The following SDK1 variants were observed in gnomAD, a reference collection of about 807,000 sequenced individuals.
SDK1 encodes sidekick cell adhesion molecule 1, also known as protein sidekick-1.
Under a neutral mutation model 245.5 loss-of-function variants are expected in SDK1, and 157 were observed. The ratio of observed to expected loss-of-function variants is 0.64; its 90% CI spans 0.56 to 0.73. SDK1 has a LOEUF of 0.73. Ranked by LOEUF, SDK1 falls within the 30% of genes least tolerant of loss-of-function variation. The pLI is 0.00. For synonymous variants in SDK1, 1,647 were observed against 1,278.5 expected (o/e 1.29, Z -6.15); for missense variants, 3,583 against 3,002.3 (o/e 1.19, Z -4.52).
intron 1 of SDK1, among the ~76,000 whole-genome samples, chr7:3,418,345 C>T (rs1221999125): frequency 6.6e-6 from 1 of 151,992 alleles, no homozygotes; most frequent in African/African-American, 2.4e-5. Context: ...AGGCATTATA[C>T]TATGACTCTT....
chr7:4,040,436 G>A (rs1243173972), intron 17 of SDK1, among the ~76,000 whole-genome samples: 1 of 152,056 alleles, frequency 6.6e-6, no homozygotes, highest in Non-Finnish European at 1.5e-5. Flanking sequence ...TTTTTGTCTA[G>A]GGTAATACCC....
chr7:3,660,241 G>A (rs142772270), intron 4 of SDK1, among the ~76,000 whole-genome samples: 1 of 152,120 alleles, frequency 6.6e-6, no homozygotes, highest in Non-Finnish European at 1.5e-5. Flanking sequence ...AGACACCCAT[G>A]AAAATATGGA....
At chr7:3,451,920 A>G (rs896885246) in intron 1 of SDK1, among the ~76,000 whole-genome samples, 4 of 152,218 alleles carry the variant, frequency 2.6e-5, no homozygotes, top group African/African-American at 9.6e-5. Flanking sequence ...TGGGAGTGTT[A>G]GCATAGCACG....
At chr7:3,572,326 A>C (rs907942169) in intron 1 of SDK1, among the ~76,000 whole-genome samples, 4 of 152,026 alleles carry the variant, frequency 2.6e-5, no homozygotes, top group Non-Finnish European at 4.4e-5. Flanking sequence ...TTCTAGGCAA[A>C]AACGCCTCAG....
chr7:3,927,645 C>T (rs545716723), intron 5 of SDK1, among the ~76,000 whole-genome samples: 2 of 152,350 alleles, frequency 1.3e-5, no homozygotes, highest in East Asian at 1.9e-4. Flanking sequence ...ACAGCTGCTG[C>T]AGCCAAGAGT....
rs113317033 is a variant in SDK1 at position 4,208,173 on chromosome 7, G to A, written c.5289G>A (p.Val1763=). 182 of 1,613,964 alleles carry A rather than the reference G, an allele frequency of 1.1e-4. 5 individuals carry two copies. The African/African-American group carries it at 1.7e-3, about 15-fold the overall frequency. ...TCCTCTTCCTCCCCGAGCCCGTGGT[G>A]AGGCTGAAGAACCTGACCAGCCATA... The part of the protein sequence containing the change: ...MKVLFLPEPV[V]RLKNLTSHTK... Residue 1763 remains valine (V), a synonymous_variant, in exon 37 of 45, where the codon GTG becomes GTA. Coordinates refer to ENST00000404826, the MANE Select transcript of SDK1 (RefSeq NM_152744.4).
At chr7:4,165,029 C>T (rs1241114824) in intron 32 of SDK1, among the ~76,000 whole-genome samples, 1 of 152,144 alleles carries the variant, frequency 6.6e-6, no homozygotes, top group Non-Finnish European at 1.5e-5. Context: ...TAAAATGTTT[C>T]ACCTGTAAAC....
intron 4 of SDK1, among the ~76,000 whole-genome samples, chr7:3,755,868 G>A (rs537581970): frequency 9.2e-5 from 14 of 151,728 alleles, no homozygotes; most frequent in Admixed American, 7.2e-4. Context: ...GGCATAGTGC[G>A]TGTGACACAT....
chr7:3,950,380 C>T (rs1780755302), intron 5 of SDK1, among the ~76,000 whole-genome samples: 1 of 152,220 alleles, frequency 6.6e-6, no homozygotes, highest in Non-Finnish European at 1.5e-5. Context: ...TCTATCTGCC[C>T]TTTCACTTTC....
At chr7:3,563,306 C>T (rs990298861) in intron 1 of SDK1, among the ~76,000 whole-genome samples, 6 of 151,976 alleles carry the variant, frequency 3.9e-5, no homozygotes, top group African/African-American at 1.2e-4. Context: ...CCTGGATTAT[C>T]CATCGTAAAG....
At chr7:4,106,708 C>T (rs941710242) in intron 22 of SDK1, among the ~76,000 whole-genome samples, 2 of 152,168 alleles carry the variant, frequency 1.3e-5, no homozygotes, top group African/African-American at 4.8e-5. Context: ...TGTGCTTTCC[C>T]CCACTCTCCT....
chr7:4,107,783 C>T (rs1472867906), intron 22 of SDK1, among the ~76,000 whole-genome samples: 6 of 152,216 alleles, frequency 3.9e-5, no homozygotes, highest in Admixed American at 6.5e-5. Flanking sequence ...GGGCCTCCCA[C>T]GGAAGCCTGA....
At chr7:3,822,832 C>G (rs1327373661) in intron 5 of SDK1, among the ~76,000 whole-genome samples, 1 of 151,736 alleles carries the variant, frequency 6.6e-6, no homozygotes, top group Non-Finnish European at 1.5e-5. Flanking sequence ...CTGACATGGC[C>G]CTCGAGGGGT....
rs10271525 is a variant in SDK1 at position 3,852,475 on chromosome 7, C to T, written c.847+30892C>T. Among the ~76,000 whole-genome samples, 1,257 of 151,398 alleles carry T rather than the reference C, an allele frequency of 8.3e-3. 17 individuals are homozygous for T. The highest frequency in any genetic ancestry group is 0.029 in the African/African-American group (1,205 of 41,262). ...TTAAAAGTTTTTTTTTGGCCGGGCA[C>T]GGTGGCTCACACCTGTAATCCCAGC... On this transcript the variant is annotated intron_variant, in intron 5 of 44. Coordinates refer to ENST00000404826, the MANE Select transcript of SDK1 (RefSeq NM_152744.4).
intron 1 of SDK1, among the ~76,000 whole-genome samples, chr7:3,595,878 C>T (rs1781044248): frequency 7.5e-6 from 1 of 133,976 alleles, no homozygotes; most frequent in Non-Finnish European, 1.6e-5. Context: ...AAGGAGGTTA[C>T]AGTCTGTTTA....
At chr7:3,876,171 C>T (rs2115141550) in intron 5 of SDK1, among the ~76,000 whole-genome samples, 1 of 152,336 alleles carries the variant, frequency 6.6e-6, no homozygotes, top group South Asian at 2.1e-4. Context: ...CAGTGTCCTC[C>T]TGAAGTCCTC....
In SDK1 at chr7:4,072,494, C is replaced by T. The variant is rs568688726; in HGVS notation, c.3011-4504C>T. Among the ~76,000 whole-genome samples the T allele has an allele frequency of 2.6e-5, 4 of 152,294 alleles. No homozygotes were observed. In the South Asian group the frequency reaches 6.2e-4, roughly 24 times the overall value. The stretch of plus-strand genomic sequence containing the variant: ...ATCACCCTGTGCCCCCAGTGATGCC[C>T]GCATCAGGGGAGCTCCCCCCAGCAC... On this transcript the variant is annotated intron_variant, in intron 20 of 44. Coordinates refer to ENST00000404826, the MANE Select transcript of SDK1 (RefSeq NM_152744.4).
At chr7:3,527,813 G>A (rs1783195771) in intron 1 of SDK1, among the ~76,000 whole-genome samples, 1 of 151,506 alleles carries the variant, frequency 6.6e-6, no homozygotes, top group Non-Finnish European at 1.5e-5. Context: ...AATGTTAGGA[G>A]GTAAGGTTGG....
chr7:4,117,922 C>T (rs560796565), intron 25 of SDK1, among the ~76,000 whole-genome samples: 105 of 152,158 alleles, frequency 6.9e-4, no homozygotes, highest in Non-Finnish European at 1.1e-3. Context: ...TCTACCTGGA[C>T]TCTGAGTAGA....
Sources: allele counts gnomAD v4.1 joint callset (sites outside exome capture counted in the v4.1 genomes callset), GRCh38; gene constraint gnomAD v4.1.1; transcripts MANE v1.5; gene names NCBI Gene and HGNC (gene_info 2026-07-23, HGNC 2026-07-21).